Variants in SLC25A6 observed in about 807,000 individuals in gnomAD.
The protein encoded by SLC25A6 is ADP/ATP translocase 3.
SLC25A6 carries 9 observed loss-of-function variants against 25.7 expected under a neutral mutation model. The observed-to-expected ratio is 0.35, with a 90% CI of 0.21 to 0.61. SLC25A6 has a LOEUF of 0.61. Ranked by LOEUF, SLC25A6 falls within the 20% of genes least tolerant of loss-of-function variation. SLC25A6 has a pLI of 0.76. For missense variants in SLC25A6, 404 were observed against 440.5 expected (o/e 0.92, Z 0.74); for synonymous variants, 223 against 197.0 (o/e 1.13, Z -1.11).
intron 1 of SLC25A6, among the ~76,000 whole-genome samples, chrX:1,391,323 G>C (rs1223028416): frequency 1.3e-5 from 2 of 152,144 alleles, no homozygotes; most frequent in African/African-American, 4.8e-5. Flanking sequence ...AGGACGTCCT[G>C]GCGGCAATGT....
chrX:1,387,240 C>A, intron 3 of SLC25A6, 39 bp downstream of exon 3: 1 of 1,605,142 alleles, frequency 6.2e-7, no homozygotes, highest in Non-Finnish European at 8.5e-7. Flanking sequence ...AGCTTGGTTC[C>A]CCTTCCCGGC....
At chrX:1,389,994 C>T (rs1275970887) in intron 1 of SLC25A6, among the ~76,000 whole-genome samples, 1 of 151,956 alleles carries the variant, frequency 6.6e-6, no homozygotes, top group Non-Finnish European at 1.5e-5. Flanking sequence ...CTGCTGACCT[C>T]GTGAGCCACC....
chrX:1,388,890 C>T (rs779650134), intron 2 of SLC25A6, among the ~76,000 whole-genome samples: 4 of 151,250 alleles, frequency 2.6e-5, no homozygotes, highest in African/African-American at 7.3e-5. Context: ...GGAGAGAGGC[C>T]GCAGGAGGAA....
chrX:1,390,002 A>G (rs1452779993), intron 1 of SLC25A6, among the ~76,000 whole-genome samples: 2 of 151,940 alleles, frequency 1.3e-5, no homozygotes, highest in Non-Finnish European at 2.9e-5. Context: ...CTCGTGAGCC[A>G]CCGCACCCGG....
chrX:1,387,330 G>T lies in SLC25A6; in HGVS notation c.688C>A (p.Pro230Thr). The T allele has an allele frequency of 6.2e-7, 1 of 1,613,350 alleles. No individual in the cohort carries two copies. Among genetic ancestry groups the T allele is most frequent in the South Asian group, 1.1e-5 (1 of 91,056 alleles). The change falls in exon 3 of 4, where the codon CCC (proline) becomes ACC (threonine). Residue 230 changes from proline to threonine, a missense_variant. By Grantham distance (38) the Pro-to-Thr change is conservative. Transcript: ENST00000381401. ...ATGCGCCGCCGCACCGTGTCGAAGGGGTAGGACACCACGCCGGCCACGGCC... is the reference window on the plus strand; with the variant it reads ...ATGCGCCGCCGCACCGTGTCGAAGGTGTAGGACACCACGCCGGCCACGGCC... ...VTAVAGVVSY[P>T]FDTVRRRMMM... is the part of the protein sequence containing the mutation.
chrX:1,389,421 G>A lies in SLC25A6; in HGVS notation c.418C>T (p.Arg140Cys), dbSNP rs757844235. The A allele has an allele frequency of 6.8e-6, 11 of 1,613,688 alleles. No homozygotes were observed. The highest frequency in any genetic ancestry group is 1.3e-5 in the African/African-American group (1 of 74,916). ...GACTTTCCCACGTCCGCTGCCAGGC[G>A]GGTTCTGGCGAAATCCAGCGGGTAC... ...FVYPLDFART[R>C]LAADVGKSGT... is the part of the protein sequence containing the mutation. Residue 140 changes from arginine (R) to cysteine (C), a missense_variant, in exon 2 of 4, where the codon CGC (arginine) becomes TGC (cysteine). Coordinates refer to ENST00000381401, the MANE Select transcript of SLC25A6 (RefSeq NM_001636.4).
intron 3 of SLC25A6, 144 bp from the exon 4 acceptor site, chrX:1,386,903 T>C: frequency 9.6e-7 from 1 of 1,040,908 alleles, no homozygotes; most frequent in South Asian, 1.6e-5. Flanking sequence ...TACCTGAGGC[T>C]CCCCCAGCTC....
intron 2 of SLC25A6, 80 bp from the exon 3 acceptor site, chrX:1,387,499 C>T (rs764804780): frequency 2.7e-5 from 43 of 1,574,810 alleles, no homozygotes; most frequent in South Asian, 2.4e-4. Context: ...GGTGTGCTCA[C>T]GGCCCCCTGA....
intron 2 of SLC25A6, among the ~76,000 whole-genome samples, chrX:1,388,856 G>A (rs778598882): frequency 6.6e-6 from 1 of 151,206 alleles, no homozygotes; most frequent in Non-Finnish European, 1.5e-5. Flanking sequence ...AGGGCACAGG[G>A]AGAAGACGGC....
Position 1,389,315 on chromosome X carries a change from TG to T in SLC25A6, c.523del (p.Gln175ArgfsTer38). ...TKSDGIRGLY[Q>X]GFSVSVQGII... ...GCCCTGCACGGAGACACTGAAGCCC[TG>T]GTACAGGCCCCGGATGCCGTCGGAC... On this transcript the variant is annotated frameshift_variant, in exon 2 of 4. Coordinates refer to ENST00000381401, the MANE Select transcript of SLC25A6 (RefSeq NM_001636.4). LOFTEE classifies it high-confidence loss of function. The T allele has an allele frequency of 6.2e-7, 1 of 1,613,888 alleles. No homozygotes were observed. Among genetic ancestry groups the T allele is most frequent in the South Asian group, 1.1e-5 (1 of 91,074 alleles).
rs2089372530 is a variant in SLC25A6, at chrX:1,389,427, T to A, written c.412A>T (p.Arg138Ter). Residue 138 changes from arginine to a stop codon, truncating the protein, a stop_gained, in exon 2 of 4, where the codon AGA becomes TGA. Transcript: ENST00000381401. LOFTEE classifies it high-confidence loss of function. The part of the protein sequence containing the change: ...LCFVYPLDFA[R>*]TRLAADVGKS... ...CCCACGTCCGCTGCCAGGCGGGTTC[T>A]GGCGAAATCCAGCGGGTACACGAAG... The A allele has an allele frequency of 2.5e-6, 4 of 1,613,730 alleles. No homozygotes were observed. Among genetic ancestry groups the A allele is most frequent in the Non-Finnish European group, 3.4e-6 (4 of 1,179,870 alleles).
intron 2 of SLC25A6, among the ~76,000 whole-genome samples, chrX:1,387,883 A>T (rs1249843417): frequency 6.6e-6 from 1 of 152,150 alleles, no homozygotes; most frequent in East Asian, 1.9e-4. Flanking sequence ...TGTCCTTCTA[A>T]AAAGAGATGA....
rs2089329002 is a variant in SLC25A6, at chrX:1,386,684, T to C, written c.815A>G (p.Lys272Arg). 6.2e-7 allele frequency: 1 copy of C among 1,613,178 alleles called. No individual in the cohort carries two copies. The highest frequency in any genetic ancestry group is 8.5e-7 in the Non-Finnish European group (1 of 1,179,484). Reference sequence around the variant, plus strand: ...CCGCAGGACGTTGGACCACGCACCCTTGAAGAAGGCCTTGCCCCCCTCATC... The same window carrying C: ...CCGCAGGACGTTGGACCACGCACCCCTGAAGAAGGCCTTGCCCCCCTCATC... ...FRDEGGKAFF[K>R]GAWSNVLRGM... is the part of the protein sequence containing the mutation. Residue 272 changes from lysine to arginine, a missense_variant, in exon 4 of 4, where the codon AAG becomes AGG. By Grantham distance (26) the Lys-to-Arg change is conservative. Coordinates refer to ENST00000381401, the MANE Select transcript of SLC25A6 (RefSeq NM_001636.4).
At chrX:1,389,196 G>A in intron 2 of SLC25A6, 45 bp downstream of exon 2, 1 of 1,589,508 alleles carries the variant, frequency 6.3e-7, no homozygotes, top group Non-Finnish European at 8.6e-7. Context: ...GAACGTCTGT[G>A]TGTTGAGCCC....
intron 2 of SLC25A6, among the ~76,000 whole-genome samples, chrX:1,388,943 G>A (rs768469290): frequency 1.4e-5 from 2 of 144,390 alleles, no homozygotes; most frequent in Non-Finnish European, 3.0e-5. Context: ...CAGCCTCCAG[G>A]ACTGTAGGAA....
chrX:1,391,423 G>A (rs190342463), intron 1 of SLC25A6, among the ~76,000 whole-genome samples: 167 of 152,314 alleles, frequency 1.1e-3, no homozygotes, highest in African/African-American at 8.7e-4. Context: ...GAGCTAAGAA[G>A]GGGGTAAGAA....
chrX:1,387,726 G>C (rs1189153085), intron 2 of SLC25A6, among the ~76,000 whole-genome samples: 6 of 152,194 alleles, frequency 3.9e-5, no homozygotes, highest in African/African-American at 1.4e-4. Flanking sequence ...CGTTACTATG[G>C]GAGTTACACT....
Position 1,392,045 on chromosome X carries a change from G to A in SLC25A6, c.-36C>T, listed in dbSNP as rs758628033. 2.7e-6 allele frequency: 4 copies of A among 1,508,962 alleles called. No homozygotes were observed. Among genetic ancestry groups the A allele is most frequent in the African/African-American group, 1.4e-5 (1 of 72,618 alleles). 93.5% of individuals were successfully genotyped at this position (1,508,962 alleles called of 1,614,324 possible). A position where few individuals can be genotyped will look rare whatever the true frequency, so the allele number is the denominator to read the frequency against. ...CGGGCAGCGGAACGGGAGGACAGCCGGAGAACGGGCGCGGAGAGTGAATGG... is the reference window on the plus strand; with the variant it reads ...CGGGCAGCGGAACGGGAGGACAGCCAGAGAACGGGCGCGGAGAGTGAATGG... On this transcript the variant is annotated 5_prime_UTR_variant, in exon 1 of 4. Coordinates refer to ENST00000381401, the MANE Select transcript of SLC25A6 (RefSeq NM_001636.4).
chrX:1,390,601 T>A (rs1405090857), intron 1 of SLC25A6, among the ~76,000 whole-genome samples: 2 of 151,682 alleles, frequency 1.3e-5, no homozygotes, highest in Admixed American at 6.6e-5. Context: ...AAGGTTTTTT[T>A]AAGATGTGGG....
Sources: gnomAD v4.1 joint callset for allele counts (sites outside exome capture counted in the v4.1 genomes callset) on GRCh38, gnomAD v4.1.1 for gene constraint, MANE v1.5 for transcripts, NCBI Gene and HGNC (gene_info 2026-07-23, HGNC 2026-07-21) for gene names.